RSBN1L: variants seen among roughly 807,000 people sequenced by gnomAD.
RSBN1L encodes lysine-specific demethylase RSBN1L.
Under a neutral mutation model 67.7 loss-of-function variants are expected in RSBN1L, and 30 were observed. The ratio of observed to expected loss-of-function variants is 0.44; its 90% CI spans 0.33 to 0.60. RSBN1L has a LOEUF of 0.60. Among genes scored for constraint, RSBN1L ranks in the 20% least tolerant of loss-of-function variants. RSBN1L has a pLI of 0.02. For synonymous variants in RSBN1L, 433 were observed against 387.0 expected (o/e 1.12, Z -1.39); for missense variants, 992 against 1,031.7 (o/e 0.96, Z 0.53).
intron 1 of RSBN1L, among the ~76,000 whole-genome samples, chr7:77,697,830 G>C (rs1562790845): frequency 6.6e-6 from 1 of 152,210 alleles, no homozygotes; most frequent in Non-Finnish European, 1.5e-5. Context: ...GTTCTTGTCA[G>C]ACAGGGTCAG....
chr7:77,703,720 T>C (rs1790850439), intron 1 of RSBN1L, among the ~76,000 whole-genome samples: 1 of 152,052 alleles, frequency 6.6e-6, no homozygotes, highest in Admixed American at 6.6e-5. Flanking sequence ...ACTCCTAACC[T>C]CAGGTGATCT....
chr7:77,766,299 G>A (rs564782932), intron 4 of RSBN1L, among the ~76,000 whole-genome samples: 10 of 152,104 alleles, frequency 6.6e-5, no homozygotes, highest in Non-Finnish European at 1.5e-4. Flanking sequence ...ATCCTCCCAC[G>A]TCAGCCTCCC....
intron 1 of RSBN1L, among the ~76,000 whole-genome samples, chr7:77,718,087 A>G (rs1791071420): frequency 6.6e-6 from 1 of 152,202 alleles, no homozygotes; most frequent in South Asian, 2.1e-4. Context: ...GCAGTATGGT[A>G]GGATTTCAGC....
chr7:77,769,292 T>C (rs1791814160), intron 5 of RSBN1L, among the ~76,000 whole-genome samples: 2 of 152,218 alleles, frequency 1.3e-5, no homozygotes, highest in African/African-American at 4.8e-5. Flanking sequence ...GAGAGGCAGC[T>C]TATGATACAG....
Position 77,782,066 on chromosome 7 carries a change from A to G in RSBN1L, c.*2898A>G, listed in dbSNP as rs368434837. The G allele has an allele frequency of 3.9e-5, 6 of 152,044 alleles. No individual in the cohort carries two copies. The highest frequency in any genetic ancestry group is 3.9e-4 in the East Asian group (2 of 5,178). The allele number at this position is 152,044 out of a possible 1,614,324, so 9.4% of individuals were successfully genotyped here. A position where few individuals can be genotyped will look rare whatever the true frequency, so the allele number is the denominator to read the frequency against. On this transcript the variant is annotated 3_prime_UTR_variant, in exon 8 of 8. Coordinates refer to ENST00000334955, the MANE Select transcript of RSBN1L (RefSeq NM_198467.3). ...AGGTACAGCCTTGTTAATGCCTTCA[A>G]TAATGCTTACGTTCCTTGTCTTATG... is the stretch of plus-strand genomic sequence containing the variant.
intron 5 of RSBN1L, among the ~76,000 whole-genome samples, chr7:77,771,907 A>T (rs1448459295): frequency 3.9e-5 from 6 of 152,122 alleles, no homozygotes; most frequent in Admixed American, 3.3e-4. Context: ...GATAAATACA[A>T]ACTTTTAGAT....
rs1792008304 is a variant in RSBN1L, at chr7:77,782,156, C to T, written c.*2988C>T. On this transcript the variant is annotated 3_prime_UTR_variant, in exon 8 of 8. Coordinates refer to ENST00000334955, the MANE Select transcript of RSBN1L (RefSeq NM_198467.3). ...ACTTGTTGACTACCTTTGTTACATG[C>T]AAAAATTTTCTATTTTAATATTGCA... 6.6e-6 allele frequency: 1 copy of T among 152,106 alleles called. No individual in the cohort carries two copies. The highest frequency in any genetic ancestry group is 1.9e-4 in the East Asian group (1 of 5,180). The allele number at this position is 152,106 out of a possible 1,614,324, so 9.4% of individuals were successfully genotyped here.
chr7:77,767,062 T>TTCCCTTCCCCTTCCCC (rs1791776929), intron 4 of RSBN1L, among the ~76,000 whole-genome samples: 1 of 103,560 alleles, frequency 9.7e-6, no homozygotes, highest in Non-Finnish European at 1.9e-5. Flanking sequence ...TCCCCTTCCC[T>TTCCCTTCCCCTTCCCC]TTCCCCTTCC....
intron 5 of RSBN1L, among the ~76,000 whole-genome samples, chr7:77,769,660 G>T (rs1791819774): frequency 6.6e-6 from 1 of 152,090 alleles, no homozygotes; most frequent in Admixed American, 6.6e-5. Flanking sequence ...TAAGACATTT[G>T]GAACTCATGA....
chr7:77,708,166 G>C (rs1314962113), intron 1 of RSBN1L, among the ~76,000 whole-genome samples: 5 of 152,108 alleles, frequency 3.3e-5, no homozygotes, highest in African/African-American at 7.2e-5. Flanking sequence ...AGGAAGAGTA[G>C]AATTTAGGTA....
intron 1 of RSBN1L, among the ~76,000 whole-genome samples, chr7:77,718,688 A>G (rs765781495): frequency 6.6e-6 from 1 of 152,220 alleles, no homozygotes; most frequent in Non-Finnish European, 1.5e-5. Flanking sequence ...TTCATTATCT[A>G]TAATAAGACT....
At chr7:77,777,581 A>G (rs1733472648) in intron 6 of RSBN1L, among the ~76,000 whole-genome samples, 1 of 151,886 alleles carries the variant, frequency 6.6e-6, no homozygotes, top group African/African-American at 2.4e-5. Flanking sequence ...GTCTTTGATA[A>G]GTCTATGGTC....
At position 77,778,748 on chromosome 7, in the gene RSBN1L, A is replaced by C. The variant is rs1201334828; in HGVS notation, c.2121A>C (p.Glu707Asp). 6.2e-7 allele frequency: 1 copy of C among 1,614,150 alleles called. No individual in the cohort carries two copies. Among genetic ancestry groups the C allele is most frequent in the South Asian group, 1.1e-5 (1 of 91,086 alleles). ...EDTSQNTATH[E>D]TGTSSDSTSS... ...CTTCTCAGAATACAGCTACTCATGA[A>C]ACAGGCACATCATCAGATTCCACAT... The change falls in exon 8 of 8, where the codon GAA (glutamate) becomes GAC (aspartate). Residue 707 changes from glutamate (E) to aspartate (D), a missense_variant. Glu to Asp is a conservative substitution (Grantham distance 45). Coordinates refer to ENST00000334955, the MANE Select transcript of RSBN1L (RefSeq NM_198467.3).
At chr7:77,709,711 A>T (rs1437606310) in intron 1 of RSBN1L, among the ~76,000 whole-genome samples, 1 of 152,062 alleles carries the variant, frequency 6.6e-6, no homozygotes, top group East Asian at 1.9e-4. Context: ...GTCTTCTGCC[A>T]CTAAGTTTCA....
At chr7:77,711,501 G>C (rs1215730190) in intron 1 of RSBN1L, among the ~76,000 whole-genome samples, 1 of 151,776 alleles carries the variant, frequency 6.6e-6, no homozygotes, top group Non-Finnish European at 1.5e-5. Flanking sequence ...CACTACACCT[G>C]GCTGATTTAA....
chr7:77,780,327 G>A lies in RSBN1L; in HGVS notation c.*1159G>A, dbSNP rs1791983388. The A allele has an allele frequency of 1.3e-5, 2 of 152,100 alleles. No individual in the cohort carries two copies. The highest frequency in any genetic ancestry group is 6.6e-5 in the Admixed American group (1 of 15,264). 9.4% of individuals were successfully genotyped at this position (152,100 alleles called of 1,614,324 possible). On this transcript the variant is annotated 3_prime_UTR_variant, in exon 8 of 8. Coordinates refer to ENST00000334955, the MANE Select transcript of RSBN1L (RefSeq NM_198467.3). ...AGTTTTATATTAAACTATTAAGAAAGCAGTTTAGGTAATAGAAACAGTTTT... is the reference window on the plus strand; with the variant it reads ...AGTTTTATATTAAACTATTAAGAAAACAGTTTAGGTAATAGAAACAGTTTT...
chr7:77,726,724 C>T (rs1364762858), intron 1 of RSBN1L, among the ~76,000 whole-genome samples: 7 of 150,840 alleles, frequency 4.6e-5, no homozygotes, highest in African/African-American at 9.8e-5. Context: ...ATTCTCTTGT[C>T]TCAGCTTCCC....
At chr7:77,697,131 A>G (rs1790747442) in intron 1 of RSBN1L, 76 bp downstream of exon 1, 1 of 1,295,916 alleles carries the variant, frequency 7.7e-7, no homozygotes, top group Non-Finnish European at 9.7e-7. Context: ...GGGGCCCGGG[A>G]AGGGGGAGCG....
chr7:77,700,236 CA>C (rs1476740416), intron 1 of RSBN1L, among the ~76,000 whole-genome samples: 2 of 151,984 alleles, frequency 1.3e-5, no homozygotes, highest in Admixed American at 6.6e-5. Context: ...GGACATATAC[CA>C]AGGGTATCCA....
Sources: gnomAD v4.1 joint callset for allele counts (sites outside exome capture counted in the v4.1 genomes callset) on GRCh38, gnomAD v4.1.1 for gene constraint, MANE v1.5 for transcripts, NCBI Gene and HGNC (gene_info 2026-07-23, HGNC 2026-07-21) for gene names.